Variants in C6orf163 observed in about 807,000 individuals in gnomAD.
C6orf163 encodes the protein chromosome 6 open reading frame 163, also known as uncharacterized protein C6orf163.
A neutral mutation model predicts 28.4 loss-of-function variants in C6orf163; 22 were observed. That is an observed-to-expected ratio of 0.78 (90% CI 0.55 to 1.11). The LOEUF (loss-of-function observed/expected upper bound fraction) is 1.11, where lower values mean the gene tolerates loss of function less well. Among genes scored for constraint, C6orf163 ranks in the 50% least tolerant of loss-of-function variants. The pLI, the probability that C6orf163 is intolerant of heterozygous loss-of-function variation, is 0.00. For missense variants in C6orf163, 342 were observed against 389.1 expected (o/e 0.88, Z 1.02); for synonymous variants, 110 against 123.6 (o/e 0.89, Z 0.73).
chr6:87,348,311 T>C (rs1410037147), intron 1 of C6orf163: 1 of 985,496 alleles, frequency 1.0e-6, no homozygotes, highest in African/African-American at 1.7e-5. Flanking sequence ...GACAGAAAAA[T>C]AGTAAACTTC....
intron 3 of C6orf163, 54 bp downstream of exon 3, chr6:87,350,555 G>T: frequency 9.5e-7 from 1 of 1,055,814 alleles, no homozygotes; most frequent in Non-Finnish European, 1.4e-6. Flanking sequence ...TTAGTAAAAA[G>T]AAAAGTTGGC....
At chr6:87,350,604 G>A (rs1320926234) in intron 3 of C6orf163, 103 bp downstream of exon 3, 14 of 668,590 alleles carry the variant, frequency 2.1e-5, no homozygotes, top group Non-Finnish European at 3.3e-5. Context: ...ATCTAGACTG[G>A]TGTTTCATGG....
chr6:87,358,874 G>A (rs997845740), intron 4 of C6orf163, among the ~76,000 whole-genome samples: 12 of 152,140 alleles, frequency 7.9e-5, no homozygotes, highest in African/African-American at 2.9e-4. Context: ...AACTGCCAAA[G>A]GTCACAGAGG....
rs1255552907 is a variant in C6orf163, at chr6:87,365,395, A to G, written c.989A>G (p.Ter330TrpextTer17). 6.7e-7 allele frequency: 1 copy of G among 1,499,326 alleles called. No homozygotes were observed. Among genetic ancestry groups the G allele is most frequent in the East Asian group, 2.5e-5 (1 of 40,608 alleles). The allele number at this position is 1,499,326 out of a possible 1,614,324, so 92.9% of individuals were successfully genotyped here. A position where few individuals can be genotyped will look rare whatever the true frequency, so the allele number is the denominator to read the frequency against. The change falls in exon 5 of 5, where the codon TAG becomes TGG. Residue 330 changes from the stop codon to tryptophan (W), a stop_lost. Transcript: ENST00000388923. ...VIKENKTTLD[*>W] ...AAGGAGAACAAAACAACTCTTGATT[A>G]GAAGTCTTCAGTTGAAATTCCACTA...
intron 3 of C6orf163, among the ~76,000 whole-genome samples, chr6:87,351,317 T>C (rs1207555433): frequency 6.6e-6 from 1 of 152,190 alleles, no homozygotes; most frequent in Non-Finnish European, 1.5e-5. Flanking sequence ...GGACCCAGGT[T>C]TGGTCTAACT....
Position 87,344,976 on chromosome 6 carries a change from A to G in C6orf163, c.-124A>G, listed in dbSNP as rs1005520653. On this transcript the variant is annotated 5_prime_UTR_variant, in exon 1 of 5. Coordinates refer to ENST00000388923, the MANE Select transcript of C6orf163 (RefSeq NM_001010868.3). ...AACCATTTAATCCTTACCAGCCTCT[A>G]GCATTATCCTAAAACCCTGAACCTC... 2.8e-6 allele frequency: 2 copies of G among 716,664 alleles called. No individual in the cohort carries two copies. Among genetic ancestry groups the G allele is most frequent in the Non-Finnish European group, 4.5e-6 (2 of 445,248 alleles). The allele number at this position is 716,664 out of a possible 1,614,324, so 44.4% of individuals were successfully genotyped here.
At chr6:87,353,276 A>G (rs1398413549) in intron 3 of C6orf163, among the ~76,000 whole-genome samples, 6 of 152,176 alleles carry the variant, frequency 3.9e-5, no homozygotes, top group East Asian at 1.9e-4. Flanking sequence ...CTATGATTCA[A>G]TAATTTATTG....
At chr6:87,350,300 CT>C in intron 2 of C6orf163, 93 bp from the exon 3 acceptor site, 1 of 774,258 alleles carries the variant, frequency 1.3e-6, no homozygotes, top group South Asian at 1.6e-5. Flanking sequence ...TTTCAGTAAA[CT>C]TGAAAACCTG....
At chr6:87,363,758 T>C (rs554261434) in intron 4 of C6orf163, among the ~76,000 whole-genome samples, 1 of 152,078 alleles carries the variant, frequency 6.6e-6, no homozygotes, top group Non-Finnish European at 1.5e-5. Flanking sequence ...GTTGGACATT[T>C]GGGTTGGTTC....
In C6orf163 at chr6:87,348,857, A is replaced by T. The variant is rs16879089; in HGVS notation, c.194A>T (p.Asp65Val). The T allele has an allele frequency of 6.7e-3, 10,273 of 1,537,640 alleles. 555 individuals carry two copies. The African/African-American group carries it at 0.12, about 17-fold the overall frequency. Residue 65 changes from aspartate (D) to valine (V), a missense_variant, in exon 2 of 5, where the codon GAT becomes GTT. Transcript: ENST00000388923. Reference protein sequence around the residue: ...ILKKEEQFQEDILREHIAKAE... With the variant: ...ILKKEEQFQEVILREHIAKAE... ...AAAAAAGAAGAGCAGTTTCAAGAAG[A>T]TATACTCAGAGAACACATTGCGAAA... is the stretch of plus-strand genomic sequence containing the variant.
At chr6:87,346,378 T>TTCA (rs1339892261) in intron 1 of C6orf163, among the ~76,000 whole-genome samples, 10 of 152,362 alleles carry the variant, frequency 6.6e-5, no homozygotes, top group African/African-American at 2.4e-4. Flanking sequence ...GTATGAATGA[T>TTCA]TCATTATGAT....
intron 1 of C6orf163, chr6:87,348,469 T>A: frequency 9.8e-7 from 1 of 1,025,168 alleles, no homozygotes; most frequent in Non-Finnish European, 1.2e-6. Flanking sequence ...GAGAGCTGTA[T>A]AATGTGCTAA....
intron 4 of C6orf163, among the ~76,000 whole-genome samples, chr6:87,361,988 T>A (rs1400883130): frequency 6.6e-6 from 1 of 152,158 alleles, no homozygotes; most frequent in Non-Finnish European, 1.5e-5. Context: ...GTTACCTGAA[T>A]AACAAGTCTA....
chr6:87,352,100 C>CG (rs11430235), intron 3 of C6orf163, among the ~76,000 whole-genome samples: 65,443 of 151,930 alleles, frequency 0.43, 14,435 homozygotes, highest in Non-Finnish European at 0.48. Context: ...GGGGGATCGA[C>CG]CTTCCTGAAA....
intron 4 of C6orf163, 39 bp from the exon 5 acceptor site, chr6:87,364,922 C>T (rs1562233246): frequency 1.4e-6 from 2 of 1,434,480 alleles, no homozygotes; most frequent in Non-Finnish European, 1.9e-6. Flanking sequence ...TTTTAGTGGC[C>T]AATCCATCTA....
chr6:87,351,517 C>T (rs148018793), intron 3 of C6orf163, among the ~76,000 whole-genome samples: 26 of 152,350 alleles, frequency 1.7e-4, no homozygotes, highest in African/African-American at 6.0e-4. Context: ...CTCCCTGCTT[C>T]GCTCCAGTGG....
chr6:87,358,113 CTA>C (rs1303229851), intron 4 of C6orf163: 1 of 152,152 alleles, frequency 6.6e-6, no homozygotes, highest in Non-Finnish European at 1.5e-5. Flanking sequence ...TTTGCAGAAA[CTA>C]ATATATGGAG....
At position 87,347,399 on chromosome 6, in the gene C6orf163, A is replaced by G. The variant is rs74989930; in HGVS notation, c.149-1413A>G. 7,725 of 985,048 alleles carry G rather than the reference A, an allele frequency of 7.8e-3. 442 individuals are homozygous for G. In the African/African-American group the frequency reaches 0.12, roughly 15 times the overall value. The allele number at this position is 985,048 out of a possible 1,614,324, so 61.0% of individuals were successfully genotyped here. ...ATAAAACCAATGGGATTTAAACATAAAAGAGGATAGTGATAGCCTACACTT... is the reference window on the plus strand; with the variant it reads ...ATAAAACCAATGGGATTTAAACATAGAAGAGGATAGTGATAGCCTACACTT... On this transcript the variant is annotated intron_variant, in intron 1 of 4. Coordinates refer to ENST00000388923, the MANE Select transcript of C6orf163 (RefSeq NM_001010868.3).
chr6:87,351,689 G>C (rs1172858274), intron 3 of C6orf163, among the ~76,000 whole-genome samples: 2 of 152,204 alleles, frequency 1.3e-5, no homozygotes, highest in Non-Finnish European at 2.9e-5. Flanking sequence ...GGCAATTAAA[G>C]TATTAAAGTA....
Sources: gnomAD v4.1 joint callset for allele counts (sites outside exome capture counted in the v4.1 genomes callset) on GRCh38, gnomAD v4.1.1 for gene constraint, MANE v1.5 for transcripts, NCBI Gene and HGNC (gene_info 2026-07-23, HGNC 2026-07-21) for gene names.